The following NEGR1 variants were observed in gnomAD, a reference collection of about 807,000 sequenced individuals.
NEGR1 encodes the protein IgLON family member 4.
In NEGR1, 10 loss-of-function variants were observed where a neutral mutation model predicts 40.9. The ratio of observed to expected loss-of-function variants is 0.24; its 90% CI spans 0.15 to 0.42. The LOEUF is 0.42. Ranked by LOEUF, NEGR1 falls within the 10% of genes least tolerant of loss-of-function variation. The probability of loss-of-function intolerance (pLI) is 1.00; values close to 1 mark genes in which losing one functional copy is unlikely to be tolerated. For synonymous variants in NEGR1, 185 were observed against 166.8 expected (o/e 1.11, Z -0.84); for missense variants, 352 against 438.9 (o/e 0.80, Z 1.77).
intron 1 of NEGR1, among the ~76,000 whole-genome samples, chr1:72,013,329 C>T (rs1557483457): frequency 6.6e-6 from 1 of 152,042 alleles, no homozygotes; most frequent in African/African-American, 2.4e-5. Flanking sequence ...TTGTGTTCTT[C>T]CTTGCATGTC....
At chr1:71,995,042 A>G (rs930956752) in intron 1 of NEGR1, among the ~76,000 whole-genome samples, 2 of 150,778 alleles carry the variant, frequency 1.3e-5, no homozygotes, top group Non-Finnish European at 3.0e-5. Flanking sequence ...GAATCTCCTG[A>G]AAGAGTTATT....
At chr1:71,472,349 C>T (rs1646788272) in intron 6 of NEGR1, among the ~76,000 whole-genome samples, 1 of 152,114 alleles carries the variant, frequency 6.6e-6, no homozygotes, top group Non-Finnish European at 1.5e-5. Context: ...CTTTCTTCCA[C>T]TATTTATTGA....
At chr1:71,858,152 G>A (rs1372244575) in intron 2 of NEGR1, among the ~76,000 whole-genome samples, 2 of 151,970 alleles carry the variant, frequency 1.3e-5, no homozygotes, top group Non-Finnish European at 2.9e-5. Context: ...ACACATTTTT[G>A]ACTAGTTCAT....
At chr1:71,944,580 C>T (rs1407391927) in intron 1 of NEGR1, among the ~76,000 whole-genome samples, 1 of 118,462 alleles carries the variant, frequency 8.4e-6, no homozygotes, top group Admixed American at 8.8e-5. Context: ...AAACATAACA[C>T]GGATGGATAT....
chr1:71,992,438 T>C (rs1365599896), intron 1 of NEGR1, among the ~76,000 whole-genome samples: 4 of 150,332 alleles, frequency 2.7e-5, no homozygotes, highest in Non-Finnish European at 4.4e-5. Flanking sequence ...TGAAATAGAA[T>C]GTAAGCCACA....
intron 1 of NEGR1, among the ~76,000 whole-genome samples, chr1:72,146,815 T>G (rs779669328): frequency 1.3e-5 from 2 of 152,226 alleles, no homozygotes; most frequent in Non-Finnish European, 2.9e-5. Flanking sequence ...AACACCTCAG[T>G]AGGTTGCCTA....
intron 6 of NEGR1, among the ~76,000 whole-genome samples, chr1:71,568,597 T>C (rs1339563572): frequency 6.6e-6 from 1 of 151,834 alleles, no homozygotes; most frequent in Non-Finnish European, 1.5e-5. Flanking sequence ...CAACAAAAAA[T>C]GTAGAAATGT....
chr1:72,238,218 C>T (rs2100509631), intron 1 of NEGR1, among the ~76,000 whole-genome samples: 1 of 151,906 alleles, frequency 6.6e-6, no homozygotes, highest in East Asian at 1.9e-4. Flanking sequence ...TAATGATTCC[C>T]TTGGCACTGT....
At chr1:71,524,342 G>GT (rs1193747915) in intron 6 of NEGR1, among the ~76,000 whole-genome samples, 1 of 151,206 alleles carries the variant, frequency 6.6e-6, no homozygotes, top group Non-Finnish European at 1.5e-5. Flanking sequence ...GTGTGTGTGT[G>GT]TGTGTGTGTG....
intron 3 of NEGR1, among the ~76,000 whole-genome samples, chr1:71,699,587 T>A (rs1441909558): frequency 6.6e-6 from 1 of 151,872 alleles, no homozygotes; most frequent in Non-Finnish European, 1.5e-5. Flanking sequence ...CAAGAATTTT[T>A]AAAATATAAC....
chr1:72,274,280 C>T (rs1328816720), intron 1 of NEGR1, among the ~76,000 whole-genome samples: 2 of 151,998 alleles, frequency 1.3e-5, no homozygotes, highest in African/African-American at 4.8e-5. Flanking sequence ...GAATTTTATG[C>T]CCACATAAAC....
intron 2 of NEGR1, among the ~76,000 whole-genome samples, chr1:71,857,603 G>A (rs1023115949): frequency 8.2e-6 from 1 of 121,420 alleles, no homozygotes; most frequent in Non-Finnish European, 1.6e-5. Context: ...CTCCAGCCTA[G>A]GTGACAAAGT....
At chr1:71,859,923 C>T (rs1419211358) in intron 2 of NEGR1, among the ~76,000 whole-genome samples, 1 of 151,986 alleles carries the variant, frequency 6.6e-6, no homozygotes, top group African/African-American at 2.4e-5. Context: ...CTCATTGCAC[C>T]TCAGAGAGAG....
chr1:71,590,900 A>T (rs1372162855), intron 6 of NEGR1, among the ~76,000 whole-genome samples: 1 of 151,978 alleles, frequency 6.6e-6, no homozygotes, highest in African/African-American at 2.4e-5. Flanking sequence ...CTAAAGATTT[A>T]CTCCTTGCTT....
chr1:72,158,971 T>A (rs1057177626), intron 1 of NEGR1, among the ~76,000 whole-genome samples: 2 of 152,156 alleles, frequency 1.3e-5, no homozygotes, highest in Non-Finnish European at 2.9e-5. Context: ...TAAAATGAAA[T>A]CAAACACAGT....
intron 6 of NEGR1, among the ~76,000 whole-genome samples, chr1:71,556,495 A>G (rs1004621823): frequency 6.6e-6 from 1 of 151,658 alleles, no homozygotes; most frequent in Admixed American, 6.6e-5. Flanking sequence ...AGCGTTTGCT[A>G]TGATAATGTA....
chr1:72,236,556 T>A (rs773554685), intron 1 of NEGR1, among the ~76,000 whole-genome samples: 19 of 152,050 alleles, frequency 1.2e-4, no homozygotes, highest in Non-Finnish European at 2.6e-4. Context: ...TGGTCCTCCT[T>A]TGTGACTCAA....
chr1:71,999,644 T>C (rs1216306683), intron 1 of NEGR1, among the ~76,000 whole-genome samples: 3 of 37,476 alleles, frequency 8.0e-5, no homozygotes, highest in South Asian at 2.2e-3. Flanking sequence ...TATATATATA[T>C]ATATATATAT....
intron 6 of NEGR1, among the ~76,000 whole-genome samples, chr1:71,552,264 T>C (rs968784618): frequency 2.0e-5 from 3 of 151,106 alleles, no homozygotes; most frequent in Non-Finnish European, 4.4e-5. Context: ...TCTAATGTTT[T>C]CCTTTAGTAA....
Sources: gnomAD v4.1 joint callset for allele counts (sites outside exome capture counted in the v4.1 genomes callset) on GRCh38, gnomAD v4.1.1 for gene constraint, MANE v1.5 for transcripts, NCBI Gene and HGNC (gene_info 2026-07-23, HGNC 2026-07-21) for gene names.